PARD6G: variants seen among roughly 807,000 people sequenced by gnomAD.
PARD6G encodes par-6 family cell polarity regulator gamma.
A neutral mutation model predicts 10.7 loss-of-function variants in PARD6G; 7 were observed. That is an observed-to-expected ratio of 0.66 (90% CI 0.37 to 1.23). PARD6G has a LOEUF of 1.23. PARD6G is among the 50% of genes most tolerant of loss of function. PARD6G has a pLI of 0.02. For missense variants in PARD6G, 548 were observed against 571.8 expected, an observed-to-expected ratio of 0.96 and a Z score of 0.42; for synonymous variants, 287 against 269.4, an observed-to-expected ratio of 1.07 and a Z score of -0.64.
At chr18:80,197,993 T>C (rs1419152353) in intron 2 of PARD6G, among the ~76,000 whole-genome samples, 1 of 152,206 alleles carries the variant, frequency 6.6e-6, no homozygotes. Context: ...ACAGCTGTCA[T>C]GTGTCCAAGG....
intron 2 of PARD6G, among the ~76,000 whole-genome samples, chr18:80,176,876 C>T (rs1274823989): frequency 3.9e-5 from 6 of 152,068 alleles, no homozygotes; most frequent in African/African-American, 1.4e-4. Flanking sequence ...GGATAAGTCA[C>T]AGTCCAGATG....
At chr18:80,237,178 G>C (rs935575419) in intron 1 of PARD6G, among the ~76,000 whole-genome samples, 1 of 152,026 alleles carries the variant, frequency 6.6e-6, no homozygotes, top group Non-Finnish European at 1.5e-5. Flanking sequence ...ACACAACAGA[G>C]CCCTCAGAAA....
rs1405426905 is a variant in PARD6G at position 80,192,366 on chromosome 18, C to T, written c.295+10344G>A. Reference sequence around the variant, plus strand: ...TTGGGAGCAGATCTGTTTTGGAGCCCTTAGGTGAGGCCTCAACTGAATGCC... The same window carrying T: ...TTGGGAGCAGATCTGTTTTGGAGCCTTTAGGTGAGGCCTCAACTGAATGCC... On this transcript the variant is annotated intron_variant, in intron 2 of 2. Coordinates refer to ENST00000353265, the MANE Select transcript of PARD6G (RefSeq NM_032510.4). This position sits in a 1 kb window ranked among gnomAD's most constrained non-coding sequence, Gnocchi z 4.9. Among the ~76,000 whole-genome samples the T allele has an allele frequency of 6.6e-6, 1 of 152,202 alleles. No individual in the cohort carries two copies. Among genetic ancestry groups the T allele is most frequent in the Non-Finnish European group, 1.5e-5 (1 of 68,036 alleles).
In PARD6G at chr18:80,159,013, G is replaced by A. The variant is rs1024660481; in HGVS notation, c.*758C>T. The A allele has an allele frequency of 1.3e-5, 2 of 150,392 alleles. No homozygotes were observed. Among genetic ancestry groups the A allele is most frequent in the African/African-American group, 4.9e-5 (2 of 40,882 alleles). The allele number at this position is 150,392 out of a possible 1,614,324, so 9.3% of individuals were successfully genotyped here. ...TGTATTTTTTTTTTTTCCCGAGACA[G>A]AGTCTTGCTCTGTCACCCAGGCTGG... On this transcript the variant is annotated 3_prime_UTR_variant, in exon 3 of 3. Transcript: ENST00000353265.
In PARD6G at chr18:80,175,404, T is replaced by A. The variant is rs971910096; in HGVS notation, c.296-14798A>T. Among the ~76,000 whole-genome samples the A allele has an allele frequency of 2.0e-5, 3 of 152,196 alleles. No individual in the cohort carries two copies. The highest frequency in any genetic ancestry group is 1.3e-4 in the Admixed American group (2 of 15,278). On this transcript the variant is annotated intron_variant, in intron 2 of 2. Transcript: ENST00000353265. This position sits in a 1 kb window ranked among gnomAD's most constrained non-coding sequence, Gnocchi z 6.7. ...TCTTCCCGGCTTACAGACAGCTGCC[T>A]TCTTCCTGTATCCCCACGTGGCAGG...
At chr18:80,211,261 G>T (rs939193137) in intron 1 of PARD6G, among the ~76,000 whole-genome samples, 3 of 152,166 alleles carry the variant, frequency 2.0e-5, no homozygotes, top group Non-Finnish European at 2.9e-5. Flanking sequence ...TGTGATACTT[G>T]AAGATTGCTG....
chr18:80,168,316 T>C (rs960607186), intron 2 of PARD6G, among the ~76,000 whole-genome samples: 1 of 152,176 alleles, frequency 6.6e-6, no homozygotes, highest in Non-Finnish European at 1.5e-5. Flanking sequence ...TATGAACCCT[T>C]GCATATGGAC....
chr18:80,182,263 G>A lies in PARD6G; in HGVS notation c.295+20447C>T, dbSNP rs902032145. On this transcript the variant is annotated intron_variant, in intron 2 of 2. Coordinates refer to ENST00000353265, the MANE Select transcript of PARD6G (RefSeq NM_032510.4). The surrounding 1 kb of genome is among the most constrained non-coding windows in gnomAD (Gnocchi z 4.5). ...AGGAACAGCAGCCACTTGCCCACTG[G>A]CCCCCAGCCCTCCCTGAAGGGTGGC... Among the ~76,000 whole-genome samples, 5 of 152,176 alleles carry A rather than the reference G, an allele frequency of 3.3e-5. No individual in the cohort carries two copies. Among genetic ancestry groups the A allele is most frequent in the African/African-American group, 1.2e-4 (5 of 41,444 alleles).
chr18:80,231,819 G>A lies in PARD6G; in HGVS notation c.72+15458C>T, dbSNP rs1195533138. Among the ~76,000 whole-genome samples, 1 of 152,088 alleles carries A rather than the reference G, an allele frequency of 6.6e-6. No individual in the cohort carries two copies. The highest frequency in any genetic ancestry group is 2.4e-5 in the African/African-American group (1 of 41,420). ...TTCGGCATCTCACAGGCATCCACAG[G>A]GATGGCTGCCGAGCCCTTCTCAAAA... On this transcript the variant is annotated intron_variant, in intron 1 of 2. Coordinates refer to ENST00000353265, the MANE Select transcript of PARD6G (RefSeq NM_032510.4). This position sits in a 1 kb window ranked among gnomAD's most constrained non-coding sequence, Gnocchi z 4.2.
intron 1 of PARD6G, among the ~76,000 whole-genome samples, chr18:80,217,133 T>C (rs1397879683): frequency 6.6e-6 from 1 of 152,188 alleles, no homozygotes; most frequent in East Asian, 1.9e-4. Flanking sequence ...CATGTGGGTA[T>C]GTCAAAGGGA....
chr18:80,164,033 A>G (rs2052718705), intron 2 of PARD6G, among the ~76,000 whole-genome samples: 1 of 152,176 alleles, frequency 6.6e-6, no homozygotes, highest in Non-Finnish European at 1.5e-5. Context: ...ATAGACCAAA[A>G]AGCCCCATCA....
chr18:80,216,344 A>G (rs1387540447), intron 1 of PARD6G, among the ~76,000 whole-genome samples: 1 of 152,160 alleles, frequency 6.6e-6, no homozygotes, highest in Non-Finnish European at 1.5e-5. Context: ...CACATGAAAC[A>G]TTCTCTAGGA....
chr18:80,209,947 T>A, intron 1 of PARD6G, among the ~76,000 whole-genome samples: 1 of 152,228 alleles, frequency 6.6e-6, no homozygotes, highest in East Asian at 1.9e-4. Context: ...CATATCAATC[T>A]CTATTAATCA....
intron 1 of PARD6G, among the ~76,000 whole-genome samples, chr18:80,220,605 G>T (rs1024891900): frequency 1.3e-5 from 2 of 148,596 alleles, no homozygotes; most frequent in Admixed American, 6.7e-5. Context: ...TGCAATCTTT[G>T]TTTTTTTTTT....
At chr18:80,164,499 T>G (rs11663193) in intron 2 of PARD6G, among the ~76,000 whole-genome samples, 1 of 152,126 alleles carries the variant, frequency 6.6e-6, no homozygotes, top group African/African-American at 2.4e-5. Context: ...CTGAATGTCA[T>G]GCCCATAGTA....
At chr18:80,223,392 T>C (rs541230694) in intron 1 of PARD6G, among the ~76,000 whole-genome samples, 1 of 152,282 alleles carries the variant, frequency 6.6e-6, no homozygotes, top group Non-Finnish European at 1.5e-5. Flanking sequence ...GTGCCTCTGA[T>C]AAGGCATATT....
chr18:80,219,206 T>TTGTTTGTC (rs1436116323), intron 1 of PARD6G, among the ~76,000 whole-genome samples: 1 of 96,462 alleles, frequency 1.0e-5, no homozygotes, highest in East Asian at 2.1e-4. Flanking sequence ...AAAATAGGGT[T>TTGTTTGTC]TGTTTGTTTG....
chr18:80,191,679 A>G (rs1008626626), intron 2 of PARD6G, among the ~76,000 whole-genome samples: 3 of 152,244 alleles, frequency 2.0e-5, no homozygotes, highest in Non-Finnish European at 4.4e-5. Context: ...CATATGCCAC[A>G]ATTTAAATAT....
intron 2 of PARD6G, among the ~76,000 whole-genome samples, chr18:80,191,420 A>G (rs929670144): frequency 1.5e-4 from 23 of 152,100 alleles, no homozygotes; most frequent in African/African-American, 4.3e-4. Flanking sequence ...GGAAAACGCC[A>G]CTCAGATTGG....
Sources: gnomAD v4.1 joint callset for allele counts (sites outside exome capture counted in the v4.1 genomes callset) on GRCh38, gnomAD v4.1.1 for gene constraint, Gnocchi (gnomAD v3.1) non-coding constraint, MANE v1.5 for transcripts, NCBI Gene and HGNC (gene_info 2026-07-23, HGNC 2026-07-21) for gene names.